The following TRPM1 variants were observed in gnomAD, a reference collection of about 807,000 sequenced individuals.
The protein encoded by TRPM1 is TRPM1-203 APA Isoform, Intron 10.
In TRPM1, 113 loss-of-function variants were observed where a neutral mutation model predicts 149.4. The observed-to-expected ratio is 0.76, with a 90% CI of 0.65 to 0.88. The LOEUF (loss-of-function observed/expected upper bound fraction) is 0.88. TRPM1 is among the 40% of genes least tolerant of loss of function. The probability of loss-of-function intolerance (pLI) is 0.00; values close to 1 mark genes in which losing one functional copy is unlikely to be tolerated. For missense variants in TRPM1, 1,976 were observed against 2,038.7 expected, an observed-to-expected ratio of 0.97 and a Z score of 0.59; for synonymous variants, 741 against 759.5, an observed-to-expected ratio of 0.98 and a Z score of 0.40.
chr15:31,152,001 A>G (rs938027347), intron 1 of TRPM1, among the ~76,000 whole-genome samples: 3 of 152,102 alleles, frequency 2.0e-5, no homozygotes, highest in East Asian at 1.9e-4. Flanking sequence ...GGTGGCGGTG[A>G]CTCCAGCAAG....
At chr15:31,004,370 G>A (rs919722618) in intron 27 of TRPM1, among the ~76,000 whole-genome samples, 3 of 151,810 alleles carry the variant, frequency 2.0e-5, no homozygotes, top group Non-Finnish European at 4.4e-5. Context: ...CTCTGTGCTT[G>A]ACTGCATCTC....
chr15:31,017,227 T>C (rs911652232), intron 27 of TRPM1, among the ~76,000 whole-genome samples: 5 of 152,058 alleles, frequency 3.3e-5, no homozygotes, highest in South Asian at 2.1e-4. Flanking sequence ...AAAGGTTGCT[T>C]GAACCCGGGA....
chr15:31,062,544 C>A (rs2034260806), intron 9 of TRPM1, 35 bp downstream of exon 9: 1 of 1,613,172 alleles, frequency 6.2e-7, no homozygotes, highest in South Asian at 1.1e-5. Flanking sequence ...ATTCTCTCCA[C>A]AGAGCTTGTT....
chr15:31,143,214 G>A (rs2036181413), intron 1 of TRPM1, among the ~76,000 whole-genome samples: 1 of 152,182 alleles, frequency 6.6e-6, no homozygotes, highest in Non-Finnish European at 1.5e-5. Flanking sequence ...ATTGGACTGA[G>A]TAAGAAAGTC....
chr15:31,110,697 C>T (rs1307445781), intron 1 of TRPM1, among the ~76,000 whole-genome samples: 2 of 152,122 alleles, frequency 1.3e-5, no homozygotes, highest in East Asian at 3.9e-4. Context: ...TCCTGAGGCC[C>T]CTCTATTGCT....
chr15:31,045,441 GATA>G (rs2033736323), intron 16 of TRPM1, among the ~76,000 whole-genome samples: 1 of 152,104 alleles, frequency 6.6e-6, no homozygotes, highest in South Asian at 2.1e-4. Context: ...TTTTTTTGCT[GATA>G]ATAATTTCTC....
chr15:31,074,505 C>T (rs1217266260), intron 3 of TRPM1, among the ~76,000 whole-genome samples: 4 of 152,030 alleles, frequency 2.6e-5, no homozygotes, highest in Non-Finnish European at 4.4e-5. Flanking sequence ...TTCTTTCATA[C>T]TCATTTCTAT....
At chr15:31,123,644 C>A (rs540991349) in intron 1 of TRPM1, among the ~76,000 whole-genome samples, 2 of 152,236 alleles carry the variant, frequency 1.3e-5, no homozygotes, top group African/African-American at 2.4e-5. Flanking sequence ...ATATAAGGAA[C>A]CATGGGATAC....
At position 31,015,912 on chromosome 15, in the gene TRPM1, G is replaced by A. The variant is rs1046231011; in HGVS notation, c.3629+10227C>T. On this transcript the variant is annotated intron_variant, in intron 27 of 27. Coordinates refer to ENST00000256552, the MANE Select transcript of TRPM1 (RefSeq NM_001252024.2). The stretch of plus-strand genomic sequence containing the variant: ...GTTCTTCATCCCCACATTTCCTCAA[G>A]GACCCTTTGCAAACATGCCGTCATC... Among the ~76,000 whole-genome samples, 4 of 152,042 alleles carry A rather than the reference G, an allele frequency of 2.6e-5. No individual in the cohort carries two copies. In the East Asian group the frequency reaches 7.7e-4, roughly 29 times the overall value.
intron 4 of TRPM1, among the ~76,000 whole-genome samples, chr15:31,069,020 A>G (rs956869169): frequency 5.3e-5 from 8 of 152,368 alleles, no homozygotes; most frequent in Admixed American, 3.9e-4. Flanking sequence ...GGAACAATGA[A>G]AAATGTTTCA....
rs1289857504 is a variant in TRPM1 at position 31,067,216 on chromosome 15, G to C, written c.494-29C>G. ...TGAGCAGCCATTGGTCATATTTTAG[G>C]CTCTTTTACTTCCCAGCACACCATC... On this transcript the variant is annotated intron_variant, in intron 5 of 27. Coordinates refer to ENST00000256552, the MANE Select transcript of TRPM1 (RefSeq NM_001252024.2). The C allele has an allele frequency of 3.7e-6, 6 of 1,614,060 alleles. No individual in the cohort carries two copies. The South Asian group carries it at 5.5e-5, about 15-fold the overall frequency.
chr15:31,120,468 A>G (rs1281369112), intron 1 of TRPM1, among the ~76,000 whole-genome samples: 1 of 152,228 alleles, frequency 6.6e-6, no homozygotes, highest in African/African-American at 2.4e-5. Context: ...ACTCCAAAAC[A>G]CATCTATCAG....
intron 17 of TRPM1, among the ~76,000 whole-genome samples, chr15:31,041,350 C>T (rs577275672): frequency 6.6e-6 from 1 of 152,086 alleles, no homozygotes; most frequent in Non-Finnish European, 1.5e-5. Context: ...CGGGGTTTCA[C>T]CATGTTAGCC....
chr15:31,145,919 C>CA (rs199510375), intron 1 of TRPM1, among the ~76,000 whole-genome samples: 4,242 of 130,038 alleles, frequency 0.033, 215 homozygotes, highest in African/African-American at 0.11. Context: ...ATAGCAGATA[C>CA]AAAAAAAAAA....
At chr15:31,143,487 T>A (rs866034536) in intron 1 of TRPM1, among the ~76,000 whole-genome samples, 1 of 152,148 alleles carries the variant, frequency 6.6e-6, no homozygotes, top group African/African-American at 2.4e-5. Context: ...AGTGGTGCTA[T>A]CTTGGCTCAC....
chr15:31,134,089 C>T (rs1433577730), intron 1 of TRPM1, among the ~76,000 whole-genome samples: 3 of 152,216 alleles, frequency 2.0e-5, no homozygotes, highest in South Asian at 2.1e-4. Flanking sequence ...GCCGGAGGCC[C>T]GTGTGGCTGG....
At chr15:31,070,700 A>C (rs1156246027) in intron 3 of TRPM1, among the ~76,000 whole-genome samples, 1 of 152,076 alleles carries the variant, frequency 6.6e-6, no homozygotes, top group Non-Finnish European at 1.5e-5. Flanking sequence ...GACCACAGGC[A>C]CACACTACCA....
intron 1 of TRPM1, among the ~76,000 whole-genome samples, chr15:31,158,769 C>G (rs2036410025): frequency 6.6e-6 from 1 of 151,996 alleles, no homozygotes; most frequent in South Asian, 2.1e-4. Flanking sequence ...GAGATGTGTT[C>G]TGCTACAAGG....
intron 27 of TRPM1, among the ~76,000 whole-genome samples, chr15:31,024,501 C>T (rs1018707193): frequency 1.3e-5 from 2 of 152,250 alleles, no homozygotes; most frequent in Non-Finnish European, 2.9e-5. Context: ...GGATCTCAGC[C>T]GAGGGAAACA....
Sources: gnomAD v4.1 joint callset for allele counts (sites outside exome capture counted in the v4.1 genomes callset) on GRCh38, gnomAD v4.1.1 for gene constraint, MANE v1.5 for transcripts, NCBI Gene and HGNC (gene_info 2026-07-23, HGNC 2026-07-21) for gene names.